The following SH3RF1 variants were observed in gnomAD, a reference collection of about 807,000 sequenced individuals.
The protein encoded by SH3RF1 is SH3 domain containing ring finger 1.
Under a neutral mutation model 74.0 loss-of-function variants are expected in SH3RF1, and 32 were observed. That is an observed-to-expected ratio of 0.43 (90% CI 0.33 to 0.58). The LOEUF is 0.58. Ranked by LOEUF, SH3RF1 falls within the 20% of genes least tolerant of loss-of-function variation. The pLI is 0.05. For missense variants in SH3RF1, 954 were observed against 1,130.9 expected (o/e 0.84, Z 2.24); for synonymous variants, 396 against 439.6 (o/e 0.90, Z 1.24).
intron 2 of SH3RF1, among the ~76,000 whole-genome samples, chr4:169,186,036 G>A (rs1734596541): frequency 6.6e-6 from 1 of 152,160 alleles, no homozygotes; most frequent in Admixed American, 6.5e-5. Context: ...CAAAATACAT[G>A]TGATGGGGAC....
intron 2 of SH3RF1, among the ~76,000 whole-genome samples, chr4:169,197,624 C>CAAAAAAAAA (rs530886905): frequency 1.1e-4 from 13 of 114,074 alleles, no homozygotes; most frequent in Admixed American, 1.9e-4. Flanking sequence ...GACTCTGTCT[C>CAAAAAAAAA]AAAAAAAAAA....
chr4:169,166,351 G>T (rs183551036), intron 2 of SH3RF1: 2 of 157,250 alleles, frequency 1.3e-5, no homozygotes, highest in South Asian at 1.7e-4. Flanking sequence ...GTGGTAAGGT[G>T]AAAACGGGTA....
intron 11 of SH3RF1, among the ~76,000 whole-genome samples, chr4:169,103,336 C>T (rs1376532806): frequency 6.6e-6 from 1 of 151,920 alleles, no homozygotes; most frequent in Non-Finnish European, 1.5e-5. Context: ...CTCATAGTGT[C>T]CCAATAATAT....
intron 4 of SH3RF1, among the ~76,000 whole-genome samples, chr4:169,153,209 C>T (rs946910851): frequency 6.6e-6 from 1 of 152,118 alleles, no homozygotes; most frequent in Non-Finnish European, 1.5e-5. Flanking sequence ...ATAGTCTAAT[C>T]TGAGCTCCAA....
At chr4:169,111,309 C>A (rs887576871) in intron 10 of SH3RF1, among the ~76,000 whole-genome samples, 2 of 149,466 alleles carry the variant, frequency 1.3e-5, no homozygotes, top group African/African-American at 2.4e-5. Context: ...GGCTGGAGTG[C>A]AGTGGCATTA....
At chr4:169,121,698 C>T (rs1733438092) in intron 7 of SH3RF1, among the ~76,000 whole-genome samples, 1 of 152,172 alleles carries the variant, frequency 6.6e-6, no homozygotes, top group Admixed American at 6.5e-5. Flanking sequence ...CATAAATAAA[C>T]TCTCAACAGG....
chr4:169,114,455 C>T (rs1410521566), intron 10 of SH3RF1, among the ~76,000 whole-genome samples: 1 of 152,174 alleles, frequency 6.6e-6, no homozygotes, highest in East Asian at 1.9e-4. Flanking sequence ...GTCCTTTTGG[C>T]CATGTAATGA....
intron 2 of SH3RF1, among the ~76,000 whole-genome samples, chr4:169,199,024 T>C (rs1403620170): frequency 1.3e-5 from 2 of 152,062 alleles, no homozygotes; most frequent in Admixed American, 6.5e-5. Flanking sequence ...CAGGTCTGAG[T>C]TGTAAGAAGG....
intron 2 of SH3RF1, among the ~76,000 whole-genome samples, chr4:169,187,558 GTGTGTGTGTA>G (rs1255305853): frequency 8.3e-6 from 1 of 120,190 alleles, no homozygotes; most frequent in Admixed American, 8.8e-5. Context: ...GTGTGTGTGT[GTGTGTGTGTA>G]GTTGACAAGC....
chr4:169,141,248 C>A (rs997619681), intron 4 of SH3RF1, among the ~76,000 whole-genome samples: 1 of 151,760 alleles, frequency 6.6e-6, no homozygotes. Flanking sequence ...ATACATGTAT[C>A]TACTTTATTG....
intron 2 of SH3RF1, among the ~76,000 whole-genome samples, chr4:169,233,703 C>T (rs888255792): frequency 5.3e-5 from 8 of 152,146 alleles, no homozygotes; most frequent in African/African-American, 1.7e-4. Context: ...TCTTCATTGC[C>T]TCCAGGTAAT....
At position 169,177,668 on chromosome 4, in the gene SH3RF1, T is replaced by C. The variant is rs141568676; in HGVS notation, c.394-20989A>G. Reference sequence around the variant, plus strand: ...TTTCAACTATGTGTTAACTGTCTGATCTACTAATTTAAAATAAACCATTCA... The same window carrying C: ...TTTCAACTATGTGTTAACTGTCTGACCTACTAATTTAAAATAAACCATTCA... On this transcript the variant is annotated intron_variant, in intron 2 of 11. Transcript: ENST00000284637. Among the ~76,000 whole-genome samples the C allele has an allele frequency of 3.4e-3, 511 of 152,300 alleles. 1 individual carries two copies. Among genetic ancestry groups the C allele is most frequent in the African/African-American group, 0.011 (461 of 41,574 alleles).
intron 2 of SH3RF1, among the ~76,000 whole-genome samples, chr4:169,181,093 T>A (rs535720830): frequency 1.3e-5 from 2 of 152,050 alleles, no homozygotes; most frequent in African/African-American, 4.8e-5. Context: ...AAAATTCGAA[T>A]GTTCTTAGAC....
At chr4:169,201,590 T>C (rs1210172147) in intron 2 of SH3RF1, among the ~76,000 whole-genome samples, 1 of 152,214 alleles carries the variant, frequency 6.6e-6, no homozygotes, top group East Asian at 1.9e-4. Context: ...GCCACTTTCA[T>C]AACAACAACT....
chr4:169,208,435 T>C (rs1431861895), intron 2 of SH3RF1, among the ~76,000 whole-genome samples: 4 of 152,150 alleles, frequency 2.6e-5, no homozygotes, highest in African/African-American at 9.7e-5. Flanking sequence ...GAAAATTAAG[T>C]CCTACTGTGA....
At chr4:169,154,445 A>T (rs1734020494) in intron 4 of SH3RF1, among the ~76,000 whole-genome samples, 2 of 152,202 alleles carry the variant, frequency 1.3e-5, no homozygotes, top group Non-Finnish European at 2.9e-5. Context: ...CTCAGATAAA[A>T]AGACTGCAAA....
At chr4:169,133,293 C>G (rs1005900011) in intron 5 of SH3RF1, among the ~76,000 whole-genome samples, 3 of 152,102 alleles carry the variant, frequency 2.0e-5, no homozygotes, top group African/African-American at 7.2e-5. Flanking sequence ...TTCAGCCAAA[C>G]TTAATCCTAA....
At chr4:169,267,362 C>T (rs984842374) in intron 2 of SH3RF1, among the ~76,000 whole-genome samples, 4 of 152,152 alleles carry the variant, frequency 2.6e-5, no homozygotes, top group Admixed American at 1.3e-4. Flanking sequence ...AAATCTACAC[C>T]TTTATTAAGC....
chr4:169,184,528 A>G (rs768646657), intron 2 of SH3RF1, among the ~76,000 whole-genome samples: 1 of 152,154 alleles, frequency 6.6e-6, no homozygotes, highest in Non-Finnish European at 1.5e-5. Flanking sequence ...TTTCCTTTTG[A>G]GCCAAATTTA....
Sources: gnomAD v4.1 joint callset for allele counts (sites outside exome capture counted in the v4.1 genomes callset) on GRCh38, gnomAD v4.1.1 for gene constraint, MANE v1.5 for transcripts, NCBI Gene and HGNC (gene_info 2026-07-23, HGNC 2026-07-21) for gene names.